Variants in PSG4 observed in about 807,000 individuals in gnomAD.
PSG4 encodes the protein pregnancy-specific beta-1-glycoprotein 4.
A neutral mutation model predicts 44.3 loss-of-function variants in PSG4; 61 were observed. That is an observed-to-expected ratio of 1.38 (90% confidence interval 1.12 to 1.70). The LOEUF (loss-of-function observed/expected upper bound fraction) is 1.70, where lower values mean the gene tolerates loss of function less well. Among genes scored for constraint, PSG4 ranks in the 40% most tolerant of loss-of-function variants. The pLI, the probability that PSG4 is intolerant of heterozygous loss-of-function variation, is 0.00. For synonymous variants in PSG4, 248 were observed against 191.3 expected (o/e 1.30, Z -2.45); for missense variants, 677 against 511.7 (o/e 1.32, Z -3.12).
At chr19:43,203,742 T>A in intron 2 of PSG4, 144 bp downstream of exon 2, 1 of 1,378,626 alleles carries the variant, frequency 7.3e-7, no homozygotes, top group Non-Finnish European at 9.8e-7. Context: ...CTCCTCTGTG[T>A]GTCCTGCACT....
intron 2 of PSG4, among the ~76,000 whole-genome samples, chr19:43,201,818 T>TG (rs1967523232): frequency 1.5e-5 from 2 of 129,772 alleles, no homozygotes; most frequent in African/African-American, 3.3e-5. Context: ...TTTCAATAAT[T>TG]TTGTGTGTGT....
intron 2 of PSG4, 193 bp downstream of exon 2, chr19:43,203,693 C>G (rs1292785770): frequency 2.8e-6 from 3 of 1,087,514 alleles, no homozygotes; most frequent in East Asian, 3.7e-5. Flanking sequence ...TCTGCAGGGT[C>G]TGAATGCGGG....
chr19:43,197,416 C>T (rs1344128105), intron 3 of PSG4, among the ~76,000 whole-genome samples: 1 of 145,320 alleles, frequency 6.9e-6, no homozygotes, highest in African/African-American at 2.6e-5. Flanking sequence ...GACCTAAACC[C>T]CTCTATATGT....
At position 43,198,232 on chromosome 19, in the gene PSG4, G is replaced by A. The variant is rs761105504; in HGVS notation, c.474C>T (p.Pro158=). The A allele has an allele frequency of 6.3e-7, 1 of 1,587,380 alleles. No homozygotes were observed. The highest frequency in any genetic ancestry group is 8.5e-7 in the Non-Finnish European group (1 of 1,171,772). ...AGATCACAGCCTCCATGGCCTCCCTGGGATTTAAGTTGCTGCTGGAGATGG... is the reference window on the plus strand; with the variant it reads ...AGATCACAGCCTCCATGGCCTCCCTAGGATTTAAGTTGCTGCTGGAGATGG... ...KPSISSSNLN[P]REAMEAVILT... Residue 158 remains proline (P), a synonymous_variant, in exon 3 of 6, where the codon CCC becomes CCT. Transcript: ENST00000405312.
rs1568392443 is a variant in PSG4, at chr19:43,205,484, A to AC, written c.52dup (p.Val18GlyfsTer22). On this transcript the variant is annotated frameshift_variant, in exon 1 of 6. Transcript: ENST00000405312. LOFTEE classifies it high-confidence loss of function. ...AGTTCTCTCCTCACCTGTGAGCAGG[A>AC]CCCCCTTCCAGGTGATGCGCTGTGT... 2 of 1,546,324 alleles carry AC rather than the reference A, an allele frequency of 1.3e-6. 1 individual carries two copies. The highest frequency in any genetic ancestry group is 3.5e-5 in the Admixed American group (2 of 57,228).
rs778299521 is a variant in PSG4, at chr19:43,198,265, G to T, written c.441C>A (p.Pro147=). 8 of 1,586,372 alleles carry T rather than the reference G, an allele frequency of 5.0e-6. 2 individuals are homozygous for T. The East Asian group carries it at 1.6e-4, about 32-fold the overall frequency. Residue 147 remains proline, a synonymous_variant, in exon 3 of 6, where the codon CCC becomes CCA. Coordinates refer to ENST00000405312, the MANE Select transcript of PSG4 (RefSeq NM_002780.5). ...AGTTGCTGCTGGAGATGGAGGGCTT[G>T]GGAGTCTCCACTGTGCAGAAAACAG... ...HFTFTLHLET[P]KPSISSSNLN... is the part of the protein sequence containing the mutation.
chr19:43,194,793 T>C, intron 4 of PSG4, 199 bp from the exon 5 acceptor site: 5 of 1,420,336 alleles, frequency 3.5e-6, no homozygotes, highest in Non-Finnish European at 4.7e-6. Flanking sequence ...AAGTCTCCCA[T>C]GACAAGAGCG....
intron 2 of PSG4, 126 bp downstream of exon 2, chr19:43,203,760 C>CA: frequency 6.8e-7 from 1 of 1,469,464 alleles, no homozygotes. Context: ...ACTAAATGCC[C>CA]AAACCCCAGC....
chr19:43,195,091 G>T lies in PSG4; in HGVS notation c.892C>A (p.Pro298Thr). 6.2e-7 allele frequency: 1 copy of T among 1,611,062 alleles called. No homozygotes were observed. Among genetic ancestry groups the T allele is most frequent in the Non-Finnish European group, 8.5e-7 (1 of 1,179,076 alleles). ...RPIENRILILPNVTRNETGPY... is the reference protein window; with the variant it reads ...RPIENRILILTNVTRNETGPY... ...CCTGTTTCATTTCTCGTGACATTGG[G>T]TAGAATGAGGATCCTGTTTTCAATG... The change falls in exon 4 of 6, where the codon CCC becomes ACC. Residue 298 changes from proline to threonine, a missense_variant. Physicochemically the swap from Pro to Thr is conservative, Grantham distance 38. Coordinates refer to ENST00000405312, the MANE Select transcript of PSG4 (RefSeq NM_002780.5).
chr19:43,195,139 C>G lies in PSG4; in HGVS notation c.844G>C (p.Val282Leu), dbSNP rs1967182756. The change falls in exon 4 of 6, where the codon GTC becomes CTC. Residue 282 changes from valine (V) to leucine (L), a missense_variant. Physicochemically the swap from Val to Leu is conservative, Grantham distance 32 (BLOSUM62 1). Transcript: ENST00000405312. Reference sequence around the variant, plus strand: ...ATGGGTCGCTTTACCCTGGGACTGACAGGGAGGCTCTGACCATTTAGCCAC... The same window carrying G: ...ATGGGTCGCTTTACCCTGGGACTGAGAGGGAGGCTCTGACCATTTAGCCAC... The part of the protein sequence containing the change: ...IWWLNGQSLP[V>L]SPRVKRPIEN... The G allele has an allele frequency of 1.2e-6, 2 of 1,610,372 alleles. No homozygotes were observed. The highest frequency in any genetic ancestry group is 1.7e-6 in the Non-Finnish European group (2 of 1,179,048).
intron 2 of PSG4, among the ~76,000 whole-genome samples, chr19:43,201,819 T>TTGTGTGTG (rs57230870): frequency 0.037 from 5,144 of 139,394 alleles, 845 homozygotes; most frequent in African/African-American, 0.12. Context: ...TTCAATAATT[T>TTGTGTGTG]TGTGTGTGTG....
At chr19:43,198,353 C>G in intron 2 of PSG4, 78 bp from the exon 3 acceptor site, 1 of 1,521,842 alleles carries the variant, frequency 6.6e-7, no homozygotes, top group Non-Finnish European at 8.8e-7. Context: ...TCAGAGTTGG[C>G]ATTTCCCACC....
chr19:43,193,856 A>G (rs770118356), intron 5 of PSG4: 2 of 624,938 alleles, frequency 3.2e-6, no homozygotes, highest in Non-Finnish European at 5.8e-6. Flanking sequence ...ACTTGTGCAA[A>G]TATGTGTATT....
intron 5 of PSG4, chr19:43,193,713 T>A (rs1190401991): frequency 1.8e-6 from 1 of 541,872 alleles, no homozygotes; most frequent in East Asian, 3.0e-5. Flanking sequence ...CAAGGCTGAC[T>A]TCAGACTTTG....
rs771345416 is a variant in PSG4, at chr19:43,195,155, A to G, written c.828T>C (p.Asn276=). The G allele has an allele frequency of 3.1e-6, 5 of 1,610,392 alleles. No individual in the cohort carries two copies. The highest frequency in any genetic ancestry group is 1.1e-5 in the South Asian group (1 of 90,952). The part of the protein sequence containing the change: ...SKNYTYIWWL[N]GQSLPVSPRV... ...TGGGACTGACAGGGAGGCTCTGACCATTTAGCCACCAAATGTAGGTGTAGT... is the reference window on the plus strand; with the variant it reads ...TGGGACTGACAGGGAGGCTCTGACCGTTTAGCCACCAAATGTAGGTGTAGT... The change falls in exon 4 of 6, where the codon AAT becomes AAC. Residue 276 remains asparagine (N), a synonymous_variant. Transcript: ENST00000405312.
chr19:43,204,366 A>T (rs1332844876), intron 1 of PSG4, 115 bp from the exon 2 acceptor site: 2 of 1,291,886 alleles, frequency 1.5e-6, no homozygotes, highest in Non-Finnish European at 2.1e-6. Context: ...ACACACACAT[A>T]CAAACACATA....
At chr19:43,193,516 T>A (rs1967097673) in intron 5 of PSG4, 128 bp from the exon 6 acceptor site, 1 of 696,356 alleles carries the variant, frequency 1.4e-6, no homozygotes, top group African/African-American at 1.8e-5. Flanking sequence ...CAATGATAAT[T>A]TCAGTAGAAT....
In PSG4 at chr19:43,203,937, G is replaced by C. The variant is rs553767996; in HGVS notation, c.379C>G (p.Arg127Gly). 3.2e-6 allele frequency: 5 copies of C among 1,586,176 alleles called. No homozygotes were observed. Among genetic ancestry groups the C allele is most frequent in the African/African-American group, 1.4e-5 (1 of 69,606 alleles). Residue 127 changes from arginine to glycine, a missense_variant, in exon 2 of 6, where the codon CGA (arginine) becomes GGA (glycine). Arg to Gly is a moderately radical substitution (Grantham distance 125). Coordinates refer to ENST00000405312, the MANE Select transcript of PSG4 (RefSeq NM_002780.5). ...AGSYTLHIIK[R>G]RDGTGGVTGH... ...GTTACTCCTCCAGTCCCATCGCGTC[G>C]CTTTATGATGTGTAAGGTGTAGGAT...
chr19:43,204,553 T>C (rs1346456673), intron 1 of PSG4: 2 of 355,896 alleles, frequency 5.6e-6, no homozygotes, highest in Non-Finnish European at 9.6e-6. Context: ...CCTGCTCACA[T>C]CAGGGCATCC....
Sources: allele counts gnomAD v4.1 joint callset (sites outside exome capture counted in the v4.1 genomes callset), GRCh38; gene constraint gnomAD v4.1.1; transcripts MANE v1.5; gene names NCBI Gene and HGNC (gene_info 2026-07-23, HGNC 2026-07-21).